The following ASAP3 variants were observed in gnomAD, a reference collection of about 807,000 sequenced individuals.
ASAP3 encodes the protein arf-GAP with SH3 domain, ANK repeat and PH domain-containing protein 3.
In ASAP3, 85 loss-of-function variants were observed where a neutral mutation model predicts 118.2. That is an observed-to-expected ratio of 0.72 (90% CI 0.60 to 0.86). ASAP3 has a LOEUF of 0.86. Ranked by LOEUF, ASAP3 falls within the 40% of genes least tolerant of loss-of-function variation. ASAP3 has a pLI of 0.00. For synonymous variants in ASAP3, 432 were observed against 477.4 expected, an observed-to-expected ratio of 0.90 and a Z score of 1.24; for missense variants, 1,026 against 1,175.0, an observed-to-expected ratio of 0.87 and a Z score of 1.85.
intron 1 of ASAP3, among the ~76,000 whole-genome samples, chr1:23,475,137 C>T (rs1736569): frequency 0.066 from 10,103 of 152,256 alleles, 1,065 homozygotes; most frequent in African/African-American, 0.22. Flanking sequence ...CAAATTCTTG[C>T]TTTTCCAGCC....
intron 1 of ASAP3, among the ~76,000 whole-genome samples, chr1:23,474,304 A>C (rs1008044392): frequency 6.6e-6 from 1 of 152,166 alleles, no homozygotes; most frequent in East Asian, 1.9e-4. Flanking sequence ...CCAAAGCCAG[A>C]GGCTGTGTCT....
Position 23,437,621 on chromosome 1 carries a change from T to G in ASAP3, c.1103-149A>C. On this transcript the variant is annotated intron_variant, in intron 12 of 24. Coordinates refer to ENST00000336689, the MANE Select transcript of ASAP3 (RefSeq NM_017707.4). This position sits in a 1 kb window ranked among gnomAD's most constrained non-coding sequence, Gnocchi z 6.1. ...AGCTAGGAGTGGGAAGGGAGTGGAA[T>G]GACAGTGGCCAGCACCAGGGGCAGT... 1.0e-6 allele frequency: 1 copy of G among 983,724 alleles called. No homozygotes were observed. The highest frequency in any genetic ancestry group is 1.5e-6 in the Non-Finnish European group (1 of 670,866). 60.9% of individuals were successfully genotyped at this position (983,724 alleles called of 1,614,324 possible).
chr1:23,474,677 G>A (rs753881461), intron 1 of ASAP3, among the ~76,000 whole-genome samples: 2 of 152,016 alleles, frequency 1.3e-5, no homozygotes, highest in Non-Finnish European at 2.9e-5. Context: ...TCCACCTCCC[G>A]GGTTCAAGCG....
intron 1 of ASAP3, among the ~76,000 whole-genome samples, chr1:23,482,945 C>A (rs1642357790): frequency 6.6e-6 from 1 of 150,416 alleles, no homozygotes; most frequent in African/African-American, 2.5e-5. Context: ...CAGCGAGACT[C>A]CGTCTCAAAA....
intron 1 of ASAP3, chr1:23,480,280 C>T (rs564871368): frequency 1.3e-5 from 2 of 152,350 alleles, no homozygotes; most frequent in South Asian, 4.1e-4. Context: ...ACTGCTTCAT[C>T]TGAGACCTAC....
Position 23,434,300 on chromosome 1 carries a change from G to A in ASAP3, c.1905C>T (p.Pro635=), listed in dbSNP as rs1018624587. The change falls in exon 19 of 25, where the codon CCC becomes CCT. Residue 635 remains proline, a synonymous_variant. Transcript: ENST00000336689. Reference sequence around the variant, plus strand: ...CCTTCAGCAGCAGCTTGAGGCAGTCGGGCTGGTTGTAGAGTGCTGCGTAGT... The same window carrying A: ...CCTTCAGCAGCAGCTTGAGGCAGTCAGGCTGGTTGTAGAGTGCTGCGTAGT... ...ALHYAALYNQ[P]DCLKLLLKGR... 6.2e-6 allele frequency: 10 copies of A among 1,614,068 alleles called. No individual in the cohort carries two copies. The highest frequency in any genetic ancestry group is 1.3e-5 in the African/African-American group (1 of 74,924).
intron 24 of ASAP3, among the ~76,000 whole-genome samples, chr1:23,430,719 G>A (rs1401646649): frequency 6.6e-6 from 1 of 152,164 alleles, no homozygotes; most frequent in East Asian, 1.9e-4. Context: ...CAAGGCCTGG[G>A]CTCTCCTCAG....
chr1:23,455,273 G>A (rs1457984745), intron 3 of ASAP3, among the ~76,000 whole-genome samples: 1 of 152,232 alleles, frequency 6.6e-6, no homozygotes, highest in Non-Finnish European at 1.5e-5. Context: ...AGTGAGAACT[G>A]TGCCTGCACA....
chr1:23,468,464 A>G (rs1462920913), intron 1 of ASAP3, among the ~76,000 whole-genome samples: 1 of 152,202 alleles, frequency 6.6e-6, no homozygotes, highest in Admixed American at 6.5e-5. Context: ...TGAAACTCCA[A>G]CGCTAAAAAG....
At chr1:23,458,122 C>T (rs542803511) in intron 1 of ASAP3, among the ~76,000 whole-genome samples, 2 of 152,216 alleles carry the variant, frequency 1.3e-5, no homozygotes, top group East Asian at 3.9e-4. Flanking sequence ...GAGGCCCATC[C>T]CAGGGCTGAA....
At chr1:23,454,836 C>T (rs977440048) in intron 3 of ASAP3, among the ~76,000 whole-genome samples, 1 of 152,208 alleles carries the variant, frequency 6.6e-6, no homozygotes, top group Non-Finnish European at 1.5e-5. Context: ...GCATTATTAT[C>T]CCAGTTTCAC....
intron 4 of ASAP3, 50 bp from the exon 5 acceptor site, chr1:23,451,578 A>G (rs763085862): frequency 6.3e-7 from 1 of 1,579,890 alleles, no homozygotes; most frequent in East Asian, 2.2e-5. Flanking sequence ...GGAGCACTGG[A>G]ATAAACAGTA....
intron 10 of ASAP3, among the ~76,000 whole-genome samples, chr1:23,440,542 T>C (rs1343318438): frequency 1.6e-4 from 17 of 108,694 alleles, no homozygotes; most frequent in African/African-American, 5.0e-4. Context: ...AATGAGGGCA[T>C]AGTAAGTGTT....
At chr1:23,445,499 A>G (rs1641021448) in intron 5 of ASAP3, among the ~76,000 whole-genome samples, 1 of 151,892 alleles carries the variant, frequency 6.6e-6, no homozygotes, top group Non-Finnish European at 1.5e-5. Context: ...TCTCCAAAAA[A>G]AAAAAGGAAT....
At chr1:23,444,840 A>AT (rs1640995954) in intron 5 of ASAP3, among the ~76,000 whole-genome samples, 1 of 151,934 alleles carries the variant, frequency 6.6e-6, no homozygotes, top group Admixed American at 6.6e-5. Flanking sequence ...ATTCTTTGTT[A>AT]TGGGGGGCTG....
chr1:23,465,768 C>T (rs571571578), intron 1 of ASAP3, among the ~76,000 whole-genome samples: 20 of 152,276 alleles, frequency 1.3e-4, no homozygotes, highest in African/African-American at 4.6e-4. Context: ...TCCCAAAGTG[C>T]TGGGATTACA....
chr1:23,452,280 T>C (rs1160881613), intron 4 of ASAP3, among the ~76,000 whole-genome samples: 1 of 152,212 alleles, frequency 6.6e-6, no homozygotes, highest in Non-Finnish European at 1.5e-5. Flanking sequence ...AGCTCCACTC[T>C]GCATCCAGCC....
At chr1:23,448,809 C>T (rs1641124119) in intron 5 of ASAP3, among the ~76,000 whole-genome samples, 1 of 152,054 alleles carries the variant, frequency 6.6e-6, no homozygotes, top group Admixed American at 6.6e-5. Flanking sequence ...AAATTATAGC[C>T]CCATAAGGCA....
At chr1:23,483,967 G>T in intron 1 of ASAP3, 38 bp downstream of exon 1, 1 of 1,252,136 alleles carries the variant, frequency 8.0e-7, no homozygotes, top group South Asian at 3.1e-5. Flanking sequence ...GCCAGGCCCG[G>T]CGCCGACCCC....
Sources: gnomAD v4.1 joint callset for allele counts (sites outside exome capture counted in the v4.1 genomes callset) on GRCh38, gnomAD v4.1.1 for gene constraint, Gnocchi (gnomAD v3.1) non-coding constraint, MANE v1.5 for transcripts, NCBI Gene and HGNC (gene_info 2026-07-23, HGNC 2026-07-21) for gene names.